Variants in TUBGCP3 observed in about 807,000 individuals in gnomAD.
The protein encoded by TUBGCP3 is gamma-tubulin complex component 3.
In TUBGCP3, 50 loss-of-function variants were observed where a neutral mutation model predicts 123.1. The observed-to-expected ratio is 0.41, with a 90% CI of 0.32 to 0.51. The LOEUF (loss-of-function observed/expected upper bound fraction) is 0.51, where lower values mean the gene tolerates loss of function less well. Among genes scored for constraint, TUBGCP3 ranks in the 20% least tolerant of loss-of-function variants. The pLI, the probability that TUBGCP3 is intolerant of heterozygous loss-of-function variation, is 0.36. For missense variants in TUBGCP3, 882 were observed against 1,127.0 expected, an observed-to-expected ratio of 0.78 and a Z score of 3.11; for synonymous variants, 405 against 413.9, an observed-to-expected ratio of 0.98 and a Z score of 0.26.
At chr13:112,558,971 T>A (rs1297537944) in intron 4 of TUBGCP3, among the ~76,000 whole-genome samples, 1 of 152,210 alleles carries the variant, frequency 6.6e-6, no homozygotes, top group Non-Finnish European at 1.5e-5. Context: ...AGAATGCTCA[T>A]AACTGAGAGC....
Position 112,565,173 on chromosome 13 carries a change from G to T in TUBGCP3, c.190C>A (p.Arg64=). ...GCAGCATCTGCTTCTCTTCGTTGTC[G>T]AATAACTGAAAAGACAGAAAAAAAA... ...VAEKIKKELI[R]QRREADAALF... is the part of the protein sequence containing the mutation. The change falls in exon 3 of 22, where the codon CGA becomes AGA. Residue 64 remains arginine, a synonymous_variant. Coordinates refer to ENST00000261965, the MANE Select transcript of TUBGCP3 (RefSeq NM_006322.6). 6.2e-7 allele frequency: 1 copy of T among 1,611,880 alleles called. No individual in the cohort carries two copies. The highest frequency in any genetic ancestry group is 1.1e-5 in the South Asian group (1 of 90,812).
At chr13:112,492,775 C>T (rs894753872) in intron 20 of TUBGCP3, among the ~76,000 whole-genome samples, 7 of 151,210 alleles carry the variant, frequency 4.6e-5, no homozygotes, top group East Asian at 1.9e-4. Context: ...GTCCCTGAGA[C>T]GCTCTAGCTA....
intron 4 of TUBGCP3, among the ~76,000 whole-genome samples, chr13:112,558,854 T>G (rs921867446): frequency 1.8e-4 from 28 of 152,182 alleles, no homozygotes; most frequent in African/African-American, 6.8e-4. Flanking sequence ...TGGTGAGTAC[T>G]TTATTATACC....
Position 112,580,319 on chromosome 13 carries a change from A to C in TUBGCP3, c.76+7586T>G, listed in dbSNP as rs1450305774. 3.3e-5 allele frequency among the ~76,000 whole-genome samples: 5 copies of C among 152,228 alleles called. 1 individual carries two copies. The highest frequency in any genetic ancestry group is 6.5e-5 in the Admixed American group (1 of 15,298). On this transcript the variant is annotated intron_variant, in intron 1 of 21. Coordinates refer to ENST00000261965, the MANE Select transcript of TUBGCP3 (RefSeq NM_006322.6). The stretch of plus-strand genomic sequence containing the variant: ...AGAACAGTTAGAAATTATGAAGAAA[A>C]AATAGTAAAATTTTTCTATCATTAA...
At chr13:112,602,612 T>A in the TUBGCP3 span, among the ~76,000 whole-genome samples, 1 of 152,222 alleles carries the variant, frequency 6.6e-6, no homozygotes, top group Admixed American at 6.5e-5. Context: ...CACCTCTGCA[T>A]AGGAGAGGAA....
chr13:112,500,770 A>C (rs563070920), intron 19 of TUBGCP3, among the ~76,000 whole-genome samples: 139 of 152,364 alleles, frequency 9.1e-4, no homozygotes, highest in Non-Finnish European at 1.2e-3. Context: ...ACAGTTAATG[A>C]AGACATTTGC....
Position 112,504,080 on chromosome 13 carries a change from C to T in TUBGCP3, c.2259G>A (p.Val753=). The T allele has an allele frequency of 1.9e-6, 3 of 1,614,116 alleles. No individual in the cohort carries two copies. Among genetic ancestry groups the T allele is most frequent in the Non-Finnish European group, 2.5e-6 (3 of 1,180,028 alleles). Residue 753 remains valine (V), a synonymous_variant, in exon 19 of 22, where the codon GTG becomes GTA. Transcript: ENST00000261965. ...AGCGGGAGATGATGGTGTCTAAGAA[C>T]ACCTCGTGTGCAGCAATGATGTGAT... ...DLDHIIAAHE[V]FLDTIISRCL...
At chr13:112,507,216 C>T (rs147184706) in intron 17 of TUBGCP3, among the ~76,000 whole-genome samples, 3 of 152,330 alleles carry the variant, frequency 2.0e-5, no homozygotes, top group East Asian at 1.9e-4. Flanking sequence ...TCACATGCCA[C>T]GACTCGCGGG....
At chr13:112,544,975 C>T (rs1243503423) in intron 11 of TUBGCP3, 1 of 152,350 alleles carries the variant, frequency 6.6e-6, no homozygotes, top group Non-Finnish European at 1.5e-5. Context: ...CAAGGCACAC[C>T]TGTTTCAGAT....
At chr13:112,501,408 C>G (rs1309358167) in intron 19 of TUBGCP3, among the ~76,000 whole-genome samples, 1 of 152,192 alleles carries the variant, frequency 6.6e-6, no homozygotes, top group Admixed American at 6.5e-5. Context: ...AGGCAGGGCT[C>G]TGCTGGCAAT....
chr13:112,550,926 G>A (rs982841766), intron 8 of TUBGCP3, among the ~76,000 whole-genome samples: 8 of 152,068 alleles, frequency 5.3e-5, no homozygotes, highest in African/African-American at 1.2e-4. Context: ...GTGAAACCCC[G>A]TCTCTATTAA....
At chr13:112,531,230 T>C (rs540378977) in intron 11 of TUBGCP3, among the ~76,000 whole-genome samples, 2 of 152,364 alleles carry the variant, frequency 1.3e-5, no homozygotes, top group East Asian at 3.9e-4. Flanking sequence ...AACATTTTTA[T>C]GACCATAGGG....
chr13:112,502,681 G>C (rs149210338), intron 19 of TUBGCP3, among the ~76,000 whole-genome samples: 429 of 151,714 alleles, frequency 2.8e-3, no homozygotes, highest in African/African-American at 9.7e-3. Context: ...CAGTAGCTGG[G>C]AGTACAGGTG....
intron 20 of TUBGCP3, among the ~76,000 whole-genome samples, chr13:112,492,273 C>T (rs3783155): frequency 0.089 from 13,615 of 152,230 alleles, 1,587 homozygotes; most frequent in African/African-American, 0.26. Context: ...TCTTTTGATG[C>T]TTGGTTACAA....
At chr13:112,593,023 T>C (rs1882909051), upstream of TUBGCP3, among the ~76,000 whole-genome samples, 1 of 152,160 alleles carries the variant, frequency 6.6e-6, no homozygotes, top group Non-Finnish European at 1.5e-5. Flanking sequence ...GATCGTTGCA[T>C]TAGAAAGAAA....
chr13:112,522,213 G>A lies in TUBGCP3; in HGVS notation c.1745+107C>T, dbSNP rs561588304. The stretch of plus-strand genomic sequence containing the variant: ...AGATTTTATTTTAAAAAGTATGCTC[G>A]AAGAATTCAACTCATTTTCTTTTAA... On this transcript the variant is annotated intron_variant, in intron 14 of 21. Transcript: ENST00000261965. 135 of 1,029,864 alleles carry A rather than the reference G, an allele frequency of 1.3e-4. No individual in the cohort carries two copies. The African/African-American group carries it at 1.7e-3, about 13-fold the overall frequency. 63.8% of individuals were successfully genotyped at this position (1,029,864 alleles called of 1,614,324 possible). A position where few individuals can be genotyped will look rare whatever the true frequency, so the allele number is the denominator to read the frequency against.
chr13:112,585,294 T>C (rs1882530897), intron 1 of TUBGCP3, among the ~76,000 whole-genome samples: 4 of 152,240 alleles, frequency 2.6e-5, no homozygotes, highest in Admixed American at 2.6e-4. Context: ...TAATTAATAT[T>C]GCTCCTTTGC....
At chr13:112,562,064 C>T (rs1236786104) in intron 3 of TUBGCP3, among the ~76,000 whole-genome samples, 1 of 152,052 alleles carries the variant, frequency 6.6e-6, no homozygotes, top group African/African-American at 2.4e-5. Flanking sequence ...GCAACACTAC[C>T]AGCCAGGAGC....
At position 112,555,105 on chromosome 13, in the gene TUBGCP3, C is replaced by T. The variant is rs181582615; in HGVS notation, c.722-100G>A. The stretch of plus-strand genomic sequence containing the variant: ...GCTTCAGATTAGATATTTGCCACCC[C>T]GATGAAATTTACTAACTCAATAAAT... On this transcript the variant is annotated intron_variant, in intron 6 of 21. Coordinates refer to ENST00000261965, the MANE Select transcript of TUBGCP3 (RefSeq NM_006322.6). The T allele has an allele frequency of 2.0e-5, 14 of 691,896 alleles. 1 individual carries two copies. Among genetic ancestry groups the T allele is most frequent in the African/African-American group, 5.4e-5 (3 of 55,528 alleles). 42.9% of individuals were successfully genotyped at this position (691,896 alleles called of 1,614,324 possible).
Sources: gnomAD v4.1 joint callset for allele counts (sites outside exome capture counted in the v4.1 genomes callset) on GRCh38, gnomAD v4.1.1 for gene constraint, MANE v1.5 for transcripts, NCBI Gene and HGNC (gene_info 2026-07-23, HGNC 2026-07-21) for gene names.